The following TENM4 variants were observed in gnomAD, a reference collection of about 807,000 sequenced individuals.
The protein encoded by TENM4 is teneurin transmembrane protein 4.
Under a neutral mutation model 243.3 loss-of-function variants are expected in TENM4, and 82 were observed. The observed-to-expected ratio is 0.34, with a 90% CI of 0.28 to 0.40. The LOEUF (loss-of-function observed/expected upper bound fraction) is 0.40. TENM4 is among the 10% of genes least tolerant of loss of function. The probability of loss-of-function intolerance (pLI) is 1.00; values close to 1 mark genes in which losing one functional copy is unlikely to be tolerated. For missense variants in TENM4, 3,138 were observed against 3,673.3 expected (o/e 0.85, Z 3.77); for synonymous variants, 1,412 against 1,456.3 (o/e 0.97, Z 0.69).
At chr11:78,738,306 G>C in intron 20 of TENM4, 145 bp downstream of exon 20, 1 of 1,092,198 alleles carries the variant, frequency 9.2e-7, no homozygotes, top group Non-Finnish European at 1.3e-6. Flanking sequence ...CATACAATTA[G>C]TAAGTTGCAG....
intron 3 of TENM4, among the ~76,000 whole-genome samples, chr11:79,210,474 A>G (rs1441899036): frequency 6.6e-6 from 1 of 152,212 alleles, no homozygotes; most frequent in Non-Finnish European, 1.5e-5. Flanking sequence ...ACAGAAACAC[A>G]TCTTTAAAAG....
At chr11:79,032,477 T>C (rs1859269290) in intron 6 of TENM4, among the ~76,000 whole-genome samples, 1 of 152,208 alleles carries the variant, frequency 6.6e-6, no homozygotes, top group Non-Finnish European at 1.5e-5. Flanking sequence ...CTAGTGCTTT[T>C]TCTATGAGAA....
chr11:78,796,918 C>G (rs1857173031), intron 15 of TENM4, among the ~76,000 whole-genome samples: 1 of 152,240 alleles, frequency 6.6e-6, no homozygotes, highest in East Asian at 1.9e-4. Flanking sequence ...AATTCCACTT[C>G]CTCCAAGAAG....
At chr11:78,873,278 T>A (rs1859183416) in intron 9 of TENM4, among the ~76,000 whole-genome samples, 1 of 152,172 alleles carries the variant, frequency 6.6e-6, no homozygotes, top group Admixed American at 6.5e-5. Context: ...ACTAGGAAGT[T>A]TAAGGCAGTA....
rs776649746 is a variant in TENM4 at position 79,099,910 on chromosome 11, GT to G, written c.-65-29902del. Among the ~76,000 whole-genome samples the G allele has an allele frequency of 2.1e-3, 326 of 152,206 alleles. 3 individuals carry two copies. The highest frequency in any genetic ancestry group is 2.1e-3 in the Non-Finnish European group (141 of 68,042). On this transcript the variant is annotated intron_variant, in intron 4 of 33. Transcript: ENST00000278550. Reference sequence around the variant, plus strand: ...GGTTTTAACAGCTGTGGAGCTTTTTGTTTCTCATGCATTTGTGCAGCCATTT... The same window carrying G: ...GGTTTTAACAGCTGTGGAGCTTTTTGTTCTCATGCATTTGTGCAGCCATTT...
At chr11:79,273,616 G>A (rs952325119) in intron 2 of TENM4, among the ~76,000 whole-genome samples, 1 of 152,202 alleles carries the variant, frequency 6.6e-6, no homozygotes, top group African/African-American at 2.4e-5. Context: ...AGGTTAAGTT[G>A]TGTAGCTAGT....
chr11:79,392,822 C>A (rs1044370218), intron 1 of TENM4, among the ~76,000 whole-genome samples: 4 of 152,340 alleles, frequency 2.6e-5, no homozygotes, highest in East Asian at 1.9e-4. Flanking sequence ...CCCATCCTGA[C>A]CTTTGTCTCT....
intron 3 of TENM4, among the ~76,000 whole-genome samples, chr11:79,178,158 T>G (rs1863206268): frequency 6.6e-6 from 1 of 152,100 alleles, no homozygotes; most frequent in African/African-American, 2.4e-5. Context: ...AAAGAAACTC[T>G]AAGGTGTTTT....
At position 79,297,531 on chromosome 11, in the gene TENM4, TCA is replaced by T. The variant is rs543070820; in HGVS notation, c.-310_-309del. The T allele has an allele frequency of 2.0e-4, 31 of 152,768 alleles. No homozygotes were observed. The highest frequency in any genetic ancestry group is 7.0e-4 in the African/African-American group (29 of 41,566). The allele number at this position is 152,768 out of a possible 1,614,324, so 9.5% of individuals were successfully genotyped here. ...AGAGATCACTAGCCCTCTCTGATTCTCAGTTTTTCCATCTGCAAAACAAGAAG... is the reference window on the plus strand; with the variant it reads ...AGAGATCACTAGCCCTCTCTGATTCTGTTTTTCCATCTGCAAAACAAGAAG... On this transcript the variant is annotated 5_prime_UTR_variant, in exon 2 of 34. It removes the in-frame stop codon of an upstream open reading frame in the 5' UTR. Coordinates refer to ENST00000278550, the MANE Select transcript of TENM4 (RefSeq NM_001098816.3).
At chr11:79,336,140 T>C (rs532046898) in intron 1 of TENM4, among the ~76,000 whole-genome samples, 56 of 152,304 alleles carry the variant, frequency 3.7e-4, no homozygotes, top group Admixed American at 1.6e-3. Flanking sequence ...AAAAAAAATG[T>C]AATTTTTAAT....
At chr11:78,851,332 A>G (rs1201309957) in intron 12 of TENM4, among the ~76,000 whole-genome samples, 1 of 152,180 alleles carries the variant, frequency 6.6e-6, no homozygotes, top group African/African-American at 2.4e-5. Flanking sequence ...AGGTGTCCAC[A>G]TTTAGGTGAG....
chr11:78,967,593 T>C lies in TENM4; in HGVS notation c.494-64070A>G, dbSNP rs949543261. Among the ~76,000 whole-genome samples, 4 of 152,332 alleles carry C rather than the reference T, an allele frequency of 2.6e-5. No individual in the cohort carries two copies. The South Asian group carries it at 8.3e-4, about 32-fold the overall frequency. On this transcript the variant is annotated intron_variant, in intron 6 of 33. Transcript: ENST00000278550. ...TCGGGCAGGATGGTGAAAATCCAGATGATCTGAGCCTGCTTTTTGGGTGGG... is the reference window on the plus strand; with the variant it reads ...TCGGGCAGGATGGTGAAAATCCAGACGATCTGAGCCTGCTTTTTGGGTGGG...
chr11:78,961,731 GCA>G (rs769581907), intron 6 of TENM4, among the ~76,000 whole-genome samples: 1 of 152,020 alleles, frequency 6.6e-6, no homozygotes, highest in African/African-American at 2.4e-5. Context: ...ACAGTGCCTG[GCA>G]CAGTCCCTGG....
chr11:79,166,986 C>T (rs2135105792), intron 3 of TENM4, among the ~76,000 whole-genome samples: 1 of 152,248 alleles, frequency 6.6e-6, no homozygotes, highest in South Asian at 2.1e-4. Context: ...AGAAATGAGG[C>T]TGCAGAGGGA....
At chr11:78,732,993 T>G (rs1316764738) in intron 20 of TENM4, among the ~76,000 whole-genome samples, 2 of 152,174 alleles carry the variant, frequency 1.3e-5, no homozygotes, top group African/African-American at 2.4e-5. Flanking sequence ...CTTCAACTAT[T>G]ATGTGATCTT....
rs1857804716 is a variant in TENM4 at position 78,652,838 on chromosome 11, T to C, written c.*5220A>G. ...TAGTTACAATTATTTGTATGATGAA[T>C]ATACAGTCATTTATTTTTAAAGTGC... On this transcript the variant is annotated 3_prime_UTR_variant, in exon 34 of 34. Transcript: ENST00000278550. 6.6e-6 allele frequency: 1 copy of C among 152,228 alleles called. No homozygotes were observed. Among genetic ancestry groups the C allele is most frequent in the African/African-American group, 2.4e-5 (1 of 41,456 alleles). The allele number at this position is 152,228 out of a possible 1,614,324, so 9.4% of individuals were successfully genotyped here.
chr11:78,698,837 C>T (rs1318273157), intron 28 of TENM4, among the ~76,000 whole-genome samples: 2 of 152,224 alleles, frequency 1.3e-5, no homozygotes, highest in African/African-American at 4.8e-5. Context: ...AGGTGTCTGG[C>T]ACCCTTGCTT....
chr11:78,660,481 C>T (rs187607250), intron 33 of TENM4, among the ~76,000 whole-genome samples: 5 of 152,222 alleles, frequency 3.3e-5, no homozygotes, highest in African/African-American at 1.2e-4. Flanking sequence ...GAAGTGCCAC[C>T]AGCGTACAGG....
intron 2 of TENM4, among the ~76,000 whole-genome samples, chr11:79,281,810 C>T (rs943210197): frequency 1.3e-5 from 2 of 152,212 alleles, no homozygotes; most frequent in Non-Finnish European, 2.9e-5. Flanking sequence ...CCTTTAATGT[C>T]CCAGGATAAA....
Sources: allele counts gnomAD v4.1 joint callset (sites outside exome capture counted in the v4.1 genomes callset), GRCh38; gene constraint gnomAD v4.1.1; transcripts MANE v1.5; gene names NCBI Gene and HGNC (gene_info 2026-07-23, HGNC 2026-07-21).